MAZ: variants seen among roughly 807,000 people sequenced by gnomAD.
MAZ encodes myc-associated zinc finger protein.
In MAZ, 4 loss-of-function variants were observed where a neutral mutation model predicts 32.7. The ratio of observed to expected loss-of-function variants is 0.12; its 90% CI spans 0.06 to 0.28. MAZ has a LOEUF of 0.28. Ranked by LOEUF, MAZ falls within the 10% of genes least tolerant of loss-of-function variation. The pLI is 1.00. For synonymous variants in MAZ, 510 were observed against 297.6 expected, an observed-to-expected ratio of 1.71 and a Z score of -7.35; for missense variants, 763 against 667.2, an observed-to-expected ratio of 1.14 and a Z score of -1.58.
chr16:29,808,493 T>G, intron 3 of MAZ, 77 bp from the exon 4 acceptor site: 1 of 1,090,508 alleles, frequency 9.2e-7, no homozygotes, highest in Non-Finnish European at 1.4e-6. Context: ...ATTCCTTTAA[T>G]CTCTTGCTCC....
At chr16:29,808,843 G>C in intron 4 of MAZ, 102 bp downstream of exon 4, 1 of 1,195,244 alleles carries the variant, frequency 8.4e-7, no homozygotes, top group Non-Finnish European at 1.2e-6. Context: ...CCAAGAGCTC[G>C]TGGCGTCTAG....
intron 4 of MAZ, chr16:29,809,205 G>A: frequency 4.0e-6 from 2 of 505,966 alleles, no homozygotes; most frequent in Non-Finnish European, 7.0e-6. Flanking sequence ...GCGGGGCACT[G>A]GAGGGAAGGG....
In MAZ at chr16:29,808,217, A is replaced by T; in HGVS notation, c.1044-13A>T. ...CCACCTCCGCCCTAACCCCAACCCC[A>T]ACGTGTCCCCAGGCCGGATCACCTC... On this transcript the variant is annotated splice_polypyrimidine_tract_variant and intron_variant, in intron 2 of 4. Transcript: ENST00000322945. The T allele has an allele frequency of 1.2e-6, 2 of 1,613,484 alleles. No homozygotes were observed. The highest frequency in any genetic ancestry group is 1.7e-6 in the Non-Finnish European group (2 of 1,179,516).
Position 29,810,253 on chromosome 16 carries a change from A to G in MAZ, c.*22A>G, listed in dbSNP as rs759393681. On this transcript the variant is annotated 3_prime_UTR_variant, in exon 5 of 5. Transcript: ENST00000322945. ...GTGAGCTCCAAGTTGGTTGCGGGGGAGAGGGGAGAATGGAGTAGAGTCCCT... is the reference window on the plus strand; with the variant it reads ...GTGAGCTCCAAGTTGGTTGCGGGGGGGAGGGGAGAATGGAGTAGAGTCCCT... 6.4e-7 allele frequency: 1 copy of G among 1,565,470 alleles called. No homozygotes were observed. Among genetic ancestry groups the G allele is most frequent in the Non-Finnish European group, 8.7e-7 (1 of 1,154,892 alleles).
Position 29,806,583 on chromosome 16 carries a change from G to C in MAZ, c.-119G>C. ...GCGCGGGCGGCGGGGCGGCCCGCGG[G>C]CCATGCGTTCGGCGCGGCCCAGCCC... is the stretch of plus-strand genomic sequence containing the variant. On this transcript the variant is annotated 5_prime_UTR_variant, in exon 1 of 5. Coordinates refer to ENST00000322945, the MANE Select transcript of MAZ (RefSeq NM_002383.4). 1 of 961,384 alleles carries C rather than the reference G, an allele frequency of 1.0e-6. No individual in the cohort carries two copies. Among genetic ancestry groups the C allele is most frequent in the South Asian group, 4.8e-5 (1 of 20,782 alleles). 59.6% of individuals were successfully genotyped at this position (961,384 alleles called of 1,614,324 possible). A position where few individuals can be genotyped will look rare whatever the true frequency, so the allele number is the denominator to read the frequency against.
In MAZ at chr16:29,810,905, G is replaced by A. The variant is rs938383635; in HGVS notation, c.*674G>A. On this transcript the variant is annotated 3_prime_UTR_variant, in exon 5 of 5. Transcript: ENST00000322945. ...GGAGGGCCAGAGGCAGAGAAGAGAT[G>A]GAGTCTTAGGGGCCAGGGTGAGCGA... The A allele has an allele frequency of 8.8e-6, 3 of 341,030 alleles. No individual in the cohort carries two copies. The highest frequency in any genetic ancestry group is 4.4e-5 in the African/African-American group (2 of 45,766). The allele number at this position is 341,030 out of a possible 1,614,324, so 21.1% of individuals were successfully genotyped here.
chr16:29,809,506 G>GT, intron 4 of MAZ: 7 of 1,371,656 alleles, frequency 5.1e-6, no homozygotes, highest in Non-Finnish European at 6.2e-6. Flanking sequence ...CCGCCTGGCT[G>GT]ACCCCCGCCC....
chr16:29,806,815 C>A lies in MAZ; in HGVS notation c.114C>A (p.Ala38=). ...MNSFPPPQGH[A]QNPLQVGAEL... ...CCTTCCCGCCACCTCAGGGTCACGC[C>A]CAGAACCCCCTGCAGGTCGGGGCTG... The change falls in exon 1 of 5, where the codon GCC becomes GCA. Residue 38 remains alanine (A), a synonymous_variant. Transcript: ENST00000322945. The A allele has an allele frequency of 6.9e-7, 1 of 1,443,058 alleles. No individual in the cohort carries two copies. Among genetic ancestry groups the A allele is most frequent in the Non-Finnish European group, 9.2e-7 (1 of 1,091,742 alleles). 89.4% of individuals were successfully genotyped at this position (1,443,058 alleles called of 1,614,324 possible).
chr16:29,807,476 G>C lies in MAZ; in HGVS notation c.691G>C (p.Val231Leu), dbSNP rs1222576139. The stretch of plus-strand genomic sequence containing the variant: ...GGGTGCTATGAAGATGCCGACCATG[G>C]TGCCCCTGAGCCTCCTGAGCGTGCC... ...PSGAMKMPTMVPLSLLSVPQL... is the reference protein window; with the variant it reads ...PSGAMKMPTMLPLSLLSVPQL... The change falls in exon 2 of 5, where the codon GTG (valine) becomes CTG (leucine). Residue 231 changes from valine (V) to leucine (L), a missense_variant. Transcript: ENST00000322945. 6.2e-7 allele frequency: 1 copy of C among 1,612,330 alleles called. No individual in the cohort carries two copies. Among genetic ancestry groups the C allele is most frequent in the East Asian group, 2.2e-5 (1 of 44,846 alleles).
rs779425101 is a variant in MAZ at position 29,807,730 on chromosome 16, C to G, written c.945C>G (p.Arg315=). 5 of 1,612,916 alleles carry G rather than the reference C, an allele frequency of 3.1e-6. No homozygotes were observed. The highest frequency in any genetic ancestry group is 3.4e-6 in the Non-Finnish European group (4 of 1,179,982). Residue 315 remains arginine, a synonymous_variant, in exon 2 of 5, where the codon CGC becomes CGG. Transcript: ENST00000322945. ...ACCAGTGCCCGGTGTGCCAGCAGCGCTTCAAGCGCAAGGACCGCATGAGCT... is the reference window on the plus strand; with the variant it reads ...ACCAGTGCCCGGTGTGCCAGCAGCGGTTCAAGCGCAAGGACCGCATGAGCT... ...KPYQCPVCQQ[R]FKRKDRMSYH...
At chr16:29,808,141 G>T in intron 2 of MAZ, 89 bp from the exon 3 acceptor site, 1 of 1,208,388 alleles carries the variant, frequency 8.3e-7, no homozygotes. Context: ...GGGAGGAGGC[G>T]CAGGGATCCT....
In MAZ at chr16:29,810,416, C is replaced by T. The variant is rs906877565; in HGVS notation, c.*185C>T. The T allele has an allele frequency of 7.9e-6, 6 of 756,600 alleles. No homozygotes were observed. Among genetic ancestry groups the T allele is most frequent in the Admixed American group, 2.0e-5 (1 of 50,054 alleles). The allele number at this position is 756,600 out of a possible 1,614,324, so 46.9% of individuals were successfully genotyped here. On this transcript the variant is annotated 3_prime_UTR_variant, in exon 5 of 5. Transcript: ENST00000322945. ...TTTTAACGATTTGTTTCTCCTGCTC[C>T]TCTTCTGTCAGACCTGACCCCACAC...
Position 29,810,293 on chromosome 16 carries a change from C to T in MAZ, c.*62C>T, listed in dbSNP as rs556951388. On this transcript the variant is annotated 3_prime_UTR_variant, in exon 5 of 5. Transcript: ENST00000322945. ...GTAGAGTCCCTTGGTACAAGCTCCT[C>T]TCCCCCCTCTTTTCCCACCAACTCC... 4.0e-6 allele frequency: 6 copies of T among 1,481,844 alleles called. No homozygotes were observed. The highest frequency in any genetic ancestry group is 2.8e-5 in the African/African-American group (2 of 71,740). The allele number at this position is 1,481,844 out of a possible 1,614,324, so 91.8% of individuals were successfully genotyped here.
chr16:29,807,540 G>T lies in MAZ; in HGVS notation c.755G>T (p.Gly252Val), dbSNP rs751794760. 168 of 1,602,314 alleles carry T rather than the reference G, an allele frequency of 1.0e-4. No homozygotes were observed. The highest frequency in any genetic ancestry group is 3.4e-5 in the Admixed American group (2 of 59,076). The change falls in exon 2 of 5, where the codon GGT becomes GTT. Residue 252 changes from glycine (G) to valine (V), a missense_variant. Physicochemically the swap from Gly to Val is moderately radical, Grantham distance 109. Transcript: ENST00000322945. ...GCCGGCGGGGGAGGGGGAGAGGCGG[G>T]TGCCGGCGGCGGCGCTGCCGCAGTG... is the stretch of plus-strand genomic sequence containing the variant. Reference protein sequence around the residue: ...SGAGGGGGEAGAGGGAAAVAA... With the variant: ...SGAGGGGGEAVAGGGAAAVAA...
chr16:29,806,616 CG>C lies in MAZ; in HGVS notation c.-81del. 5 of 967,452 alleles carry C rather than the reference CG, an allele frequency of 5.2e-6. No individual in the cohort carries two copies. The highest frequency in any genetic ancestry group is 6.1e-6 in the Non-Finnish European group (5 of 818,982). The allele number at this position is 967,452 out of a possible 1,614,324, so 59.9% of individuals were successfully genotyped here. On this transcript the variant is annotated 5_prime_UTR_variant, in exon 1 of 5. The change abolishes the stop of an existing upstream ORF in the 5' untranslated region. Coordinates refer to ENST00000322945, the MANE Select transcript of MAZ (RefSeq NM_002383.4). Reference sequence around the variant, plus strand: ...TTCGGCGCGGCCCAGCCCGGCCGGCCGGGGGCGGCGCCCCGAGCCCGGGCCC... The same window carrying C: ...TTCGGCGCGGCCCAGCCCGGCCGGCCGGGGCGGCGCCCCGAGCCCGGGCCC...
At position 29,808,301 on chromosome 16, in the gene MAZ, G is replaced by A. The variant is rs780730481; in HGVS notation, c.1107+8G>A. 8.7e-6 allele frequency: 14 copies of A among 1,612,716 alleles called. No homozygotes were observed. The Admixed American group carries it at 1.3e-4, about 15-fold the overall frequency. On this transcript the variant is annotated splice_region_variant and intron_variant, in intron 3 of 4. Transcript: ENST00000322945. The stretch of plus-strand genomic sequence containing the variant: ...CGGCCCTTCAAATGTGAGGTAGGAA[G>A]CCCGCCTCCTCCTGTCTTGGTTTTC...
At position 29,808,302 on chromosome 16, in the gene MAZ, C is replaced by G. The variant is rs375476663; in HGVS notation, c.1107+9C>G. 2 of 1,612,432 alleles carry G rather than the reference C, an allele frequency of 1.2e-6. No individual in the cohort carries two copies. Among genetic ancestry groups the G allele is most frequent in the Non-Finnish European group, 1.7e-6 (2 of 1,178,528 alleles). On this transcript the variant is annotated intron_variant, in intron 3 of 4. Transcript: ENST00000322945. The stretch of plus-strand genomic sequence containing the variant: ...GGCCCTTCAAATGTGAGGTAGGAAG[C>G]CCGCCTCCTCCTGTCTTGGTTTTCA...
upstream of MAZ, chr16:29,806,220 ACCC>A (rs1210792918): frequency 5.1e-5 from 6 of 116,922 alleles, no homozygotes; most frequent in Non-Finnish European, 7.5e-5. Context: ...CCCTGCCCAC[ACCC>A]CCTCCTGCCC....
intron 1 of MAZ, 34 bp downstream of exon 1, chr16:29,806,927 G>C (rs754567940): frequency 6.4e-5 from 80 of 1,241,296 alleles, no homozygotes; most frequent in Admixed American, 1.1e-4. Flanking sequence ...CCCGGGCTGG[G>C]GGGGGACGCC....
Sources: gnomAD v4.1 joint callset for allele counts on GRCh38, gnomAD v4.1.1 for gene constraint, MANE v1.5 for transcripts, NCBI Gene and HGNC (gene_info 2026-07-23, HGNC 2026-07-21) for gene names.